The following PHKA1 variants were observed in gnomAD, a reference collection of about 807,000 sequenced individuals.
PHKA1 encodes phosphorylase kinase regulatory subunit alpha 1.
In PHKA1, 60 loss-of-function variants were observed where a neutral mutation model predicts 110.2. That is an observed-to-expected ratio of 0.54 (90% CI 0.44 to 0.68). PHKA1 has a LOEUF of 0.68. Among genes scored for constraint, PHKA1 ranks in the 30% least tolerant of loss-of-function variants. The pLI is 0.00. For missense variants in PHKA1, 801 were observed against 942.5 expected, an observed-to-expected ratio of 0.85 and a Z score of 1.97; for synonymous variants, 316 against 333.6, an observed-to-expected ratio of 0.95 and a Z score of 0.58.
intron 13 of PHKA1, among the ~76,000 whole-genome samples, chrX:72,645,523 T>C (rs781991949): frequency 1.7e-4 from 19 of 112,093 alleles, no homozygotes; most frequent in Non-Finnish European, 2.8e-4. Context: ...CAGAGTCCCC[T>C]GGACATAACA....
intron 18 of PHKA1, chrX:72,622,645 T>C (rs782660203): frequency 8.8e-5 from 66 of 751,171 alleles, no homozygotes; most frequent in Non-Finnish European, 9.9e-5. Flanking sequence ...ACATACTGAA[T>C]AGGCTTTTTC....
In PHKA1 at chrX:72,619,200, C is replaced by G. The variant is rs1372833608; in HGVS notation, c.2229+14G>C. ...TTCAAAAAGCTAATAGAAATACCTCCTGCACAAATTTACCTGGTTCTCCTG... is the reference window on the plus strand; with the variant it reads ...TTCAAAAAGCTAATAGAAATACCTCGTGCACAAATTTACCTGGTTCTCCTG... On this transcript the variant is annotated intron_variant, in intron 20 of 31. Transcript: ENST00000373542. 1.9e-6 allele frequency: 2 copies of G among 1,063,332 alleles called. No individual in the cohort carries two copies. Among genetic ancestry groups the G allele is most frequent in the African/African-American group, 3.7e-5 (2 of 54,501 alleles). The allele number at this position is 1,063,332 out of a possible 1,213,427, so 87.6% of individuals were successfully genotyped here. A position where few individuals can be genotyped will look rare whatever the true frequency, so the allele number is the denominator to read the frequency against.
chrX:72,690,517 A>G (rs2054022971), intron 4 of PHKA1, among the ~76,000 whole-genome samples: 1 of 111,265 alleles, frequency 9.0e-6, no homozygotes, highest in East Asian at 2.8e-4. Context: ...GCACACACAT[A>G]GAGAAAAGGC....
At chrX:72,593,341 C>CAT in intron 28 of PHKA1, 67 bp from the exon 29 acceptor site, 1 of 626,096 alleles carries the variant, frequency 1.6e-6, no homozygotes, top group Non-Finnish European at 2.4e-6. Context: ...AGTCTTTGAA[C>CAT]TTTTTTTTTT....
chrX:72,656,114 T>G lies in PHKA1; in HGVS notation c.1041+6A>C. 1 of 1,210,354 alleles carries G rather than the reference T, an allele frequency of 8.3e-7. No homozygotes were observed. The highest frequency in any genetic ancestry group is 1.1e-6 in the Non-Finnish European group (1 of 894,551). On this transcript the variant is annotated splice_donor_region_variant and intron_variant, in intron 10 of 31. Coordinates refer to ENST00000373542, the MANE Select transcript of PHKA1 (RefSeq NM_002637.4). ...TCTGCTGAAAACTCTTTCCCCAGCT[T>G]ATTACCTGTTCTGCATTGCCACTGA... is the stretch of plus-strand genomic sequence containing the variant.
intron 25 of PHKA1, among the ~76,000 whole-genome samples, chrX:72,604,401 C>T (rs1325714254): frequency 2.9e-4 from 32 of 111,407 alleles, no homozygotes; most frequent in Non-Finnish European, 1.9e-4. Flanking sequence ...AAGCAAAAAG[C>T]ACAGTATCTG....
At chrX:72,631,542 C>A (rs1039203696) in intron 16 of PHKA1, among the ~76,000 whole-genome samples, 4 of 111,215 alleles carry the variant, frequency 3.6e-5, no homozygotes, top group African/African-American at 1.3e-4. Context: ...CTAGGTTGCT[C>A]CTTTCCTGTT....
At chrX:72,672,340 G>A (rs892998057) in intron 6 of PHKA1, among the ~76,000 whole-genome samples, 3 of 111,606 alleles carry the variant, frequency 2.7e-5, no homozygotes, top group Non-Finnish European at 5.7e-5. Flanking sequence ...TTCCTCCATT[G>A]TCTTGAGGAA....
intron 5 of PHKA1, among the ~76,000 whole-genome samples, chrX:72,681,056 C>T (rs2030810289): frequency 2.1e-5 from 1 of 48,184 alleles, no homozygotes; most frequent in African/African-American, 8.1e-5. Flanking sequence ...CTCCGCCCGG[C>T]CGCCATCCCA....
chrX:72,599,865 G>T, intron 28 of PHKA1: 1 of 543,401 alleles, frequency 1.8e-6, no homozygotes, highest in South Asian at 2.5e-5. Flanking sequence ...ACCACCATTG[G>T]ACTATGAGAA....
intron 4 of PHKA1, among the ~76,000 whole-genome samples, chrX:72,692,752 A>G (rs1180330791): frequency 9.0e-6 from 1 of 110,775 alleles, no homozygotes; most frequent in Non-Finnish European, 1.9e-5. Flanking sequence ...AAGATTTATC[A>G]ATTTTGTTGA....
At chrX:72,589,825 T>C (rs782294271) in intron 29 of PHKA1, among the ~76,000 whole-genome samples, 8 of 108,914 alleles carry the variant, frequency 7.3e-5, no homozygotes, top group African/African-American at 2.3e-4. Flanking sequence ...CCATTCACAA[T>C]TGCTTCAAAG....
chrX:72,623,652 A>C (rs1007955125), intron 17 of PHKA1, among the ~76,000 whole-genome samples: 1 of 111,210 alleles, frequency 9.0e-6, no homozygotes, highest in Non-Finnish European at 1.9e-5. Flanking sequence ...CATTAAAAAA[A>C]TACCCAAAGG....
intron 8 of PHKA1, among the ~76,000 whole-genome samples, chrX:72,661,388 A>G (rs1232669311): frequency 4.5e-5 from 5 of 111,493 alleles, no homozygotes; most frequent in African/African-American, 1.6e-4. Flanking sequence ...AATTTTTGAG[A>G]TCTTATTGCT....
chrX:72,589,282 T>A (rs1231315672), intron 29 of PHKA1, among the ~76,000 whole-genome samples: 1 of 111,444 alleles, frequency 9.0e-6, no homozygotes, highest in African/African-American at 3.3e-5. Flanking sequence ...CATATGCAAA[T>A]CAATAAAAGT....
intron 8 of PHKA1, chrX:72,660,487 G>C (rs2053546684): frequency 5.9e-6 from 2 of 337,843 alleles, no homozygotes; most frequent in Non-Finnish European, 9.5e-6. Context: ...AAAGTGATGA[G>C]AACAAGGAGG....
intron 8 of PHKA1, among the ~76,000 whole-genome samples, chrX:72,662,413 G>A (rs1556304574): frequency 8.9e-6 from 1 of 111,920 alleles, no homozygotes; most frequent in Admixed American, 9.4e-5. Context: ...GAATGGCCAT[G>A]ACTCTGGTCC....
chrX:72,602,854 G>A (rs2052675482), intron 26 of PHKA1, among the ~76,000 whole-genome samples: 1 of 112,132 alleles, frequency 8.9e-6, no homozygotes, highest in Non-Finnish European at 1.9e-5. Flanking sequence ...GTCCTAAAGT[G>A]GAGGCTTAAG....
intron 3 of PHKA1, among the ~76,000 whole-genome samples, 182 bp from the exon 4 acceptor site, chrX:72,696,058 A>G (rs1036946428): frequency 3.6e-5 from 4 of 112,017 alleles, no homozygotes; most frequent in African/African-American, 9.7e-5. Context: ...AAAGTCTGTT[A>G]TTGTTGTTTT....
Sources: gnomAD v4.1 joint callset for allele counts (sites outside exome capture counted in the v4.1 genomes callset) on GRCh38, gnomAD v4.1.1 for gene constraint, MANE v1.5 for transcripts, NCBI Gene and HGNC (gene_info 2026-07-23, HGNC 2026-07-21) for gene names.